Variants in TMCC2 observed in about 807,000 individuals in gnomAD.
The protein encoded by TMCC2 is transmembrane and coiled-coil domain family 2, also known as transmembrane and coiled-coil domains protein 2.
In TMCC2, 16 loss-of-function variants were observed where a neutral mutation model predicts 49.4. The ratio of observed to expected loss-of-function variants is 0.32; its 90% CI spans 0.22 to 0.49. TMCC2 has a LOEUF of 0.49. TMCC2 is among the 20% of genes least tolerant of loss of function. The pLI is 0.99. For missense variants in TMCC2, 762 were observed against 989.8 expected (o/e 0.77, Z 3.09); for synonymous variants, 397 against 434.1 (o/e 0.91, Z 1.06).
intron 1 of TMCC2, among the ~76,000 whole-genome samples, chr1:205,231,673 A>G (rs1414808688): frequency 1.3e-5 from 2 of 152,148 alleles, no homozygotes; most frequent in African/African-American, 4.8e-5. Flanking sequence ...GAAAAATTCC[A>G]TTATTGACTC....
At chr1:205,242,480 A>C (rs979313923) in intron 2 of TMCC2, among the ~76,000 whole-genome samples, 1 of 152,218 alleles carries the variant, frequency 6.6e-6, no homozygotes, top group South Asian at 2.1e-4. Context: ...TATATGTAAA[A>C]TACTTGGAAT....
chr1:205,261,361 C>T (rs1461186576), intron 2 of TMCC2, among the ~76,000 whole-genome samples: 1 of 143,568 alleles, frequency 7.0e-6, no homozygotes, highest in Non-Finnish European at 1.6e-5. Flanking sequence ...TGCACCACCA[C>T]ACCTGGCTGT....
intron 2 of TMCC2, among the ~76,000 whole-genome samples, chr1:205,243,656 C>T (rs1183043407): frequency 6.6e-6 from 1 of 152,156 alleles, no homozygotes; most frequent in Admixed American, 6.5e-5. Flanking sequence ...GTTGAGGAAT[C>T]ACAGGAGAAG....
chr1:205,256,126 T>G (rs1269397594), intron 2 of TMCC2: 3 of 1,215,736 alleles, frequency 2.5e-6, no homozygotes. Context: ...CACACCTTCT[T>G]GAATTTGGGA....
At chr1:205,263,590 G>A (rs1045260022) in intron 2 of TMCC2, among the ~76,000 whole-genome samples, 2 of 152,154 alleles carry the variant, frequency 1.3e-5, no homozygotes, top group African/African-American at 4.8e-5. Flanking sequence ...TACTGGGGAG[G>A]CTGAGGTGGG....
chr1:205,269,267 G>A lies in TMCC2; in HGVS notation c.1065G>A (p.Glu355=), dbSNP rs762012012. 6.2e-7 allele frequency: 1 copy of A among 1,613,804 alleles called. No individual in the cohort carries two copies. Among genetic ancestry groups the A allele is most frequent in the Non-Finnish European group, 8.5e-7 (1 of 1,180,034 alleles). ...QTIAQLHKKL[E]HYRRRLKEIE... The stretch of plus-strand genomic sequence containing the variant: ...TCGCCCAGCTGCACAAGAAGCTGGA[G>A]CACTACCGCCGGCGCCTGAAGGAGA... Residue 355 remains glutamate, a synonymous_variant, in exon 3 of 5, where the codon GAG becomes GAA. Transcript: ENST00000358024.
intron 1 of TMCC2, chr1:205,236,775 AG>A (rs1660066962): frequency 6.6e-6 from 1 of 152,310 alleles, no homozygotes; most frequent in Admixed American, 6.5e-5. Flanking sequence ...GTGATCAGAG[AG>A]GGCTTTATGG....
intron 4 of TMCC2, 175 bp downstream of exon 4, chr1:205,271,430 G>A: frequency 2.8e-6 from 3 of 1,068,288 alleles, no homozygotes; most frequent in African/African-American, 1.6e-5. Context: ...GAGTGAGCAA[G>A]ACAGGCCTGA....
chr1:205,241,925 A>G lies in TMCC2; in HGVS notation c.628A>G (p.Ile210Val), dbSNP rs149416299. The change falls in exon 2 of 5, where the codon ATC becomes GTC. Residue 210 changes from isoleucine (I) to valine (V), a missense_variant. Coordinates refer to ENST00000358024, the MANE Select transcript of TMCC2 (RefSeq NM_014858.4). This position sits in a 1 kb window ranked among gnomAD's most constrained non-coding sequence, Gnocchi z 7.3. Reference sequence around the variant, plus strand: ...CCCCCAGGACAGCAGCCTGGCCGCCATCCTGCACCAGCACCAGTGCCGTCC... The same window carrying G: ...CCCCCAGGACAGCAGCCTGGCCGCCGTCCTGCACCAGCACCAGTGCCGTCC... ...KAPQDSSLAAILHQHQCRPRS... is the reference protein window; with the variant it reads ...KAPQDSSLAAVLHQHQCRPRS... 1,405 of 1,610,914 alleles carry G rather than the reference A, an allele frequency of 8.7e-4. 12 individuals carry two copies. The African/African-American group carries it at 0.016, about 18-fold the overall frequency.
At chr1:205,232,688 AC>A (rs1270118398) in intron 1 of TMCC2, among the ~76,000 whole-genome samples, 2 of 152,118 alleles carry the variant, frequency 1.3e-5, no homozygotes, top group African/African-American at 4.8e-5. Context: ...TAATCCCAGC[AC>A]TTTGGTAGGC....
At chr1:205,230,388 TTGAGCTTTTGCCAGGCC>T in intron 1 of TMCC2, among the ~76,000 whole-genome samples, 1 of 152,352 alleles carries the variant, frequency 6.6e-6, no homozygotes, top group East Asian at 1.9e-4. Context: ...CACAAGAAGC[TTGAGCTTTTGCCAGGCC>T]CAGGGAGTCC....
intron 2 of TMCC2, among the ~76,000 whole-genome samples, chr1:205,246,961 C>T (rs952137785): frequency 1.3e-5 from 2 of 151,954 alleles, no homozygotes; most frequent in African/African-American, 4.8e-5. Context: ...TGGGGCTCTG[C>T]CATGTGGCTC....
chr1:205,271,837 C>A lies in TMCC2; in HGVS notation c.1843C>A (p.Arg615=). The A allele has an allele frequency of 6.2e-7, 1 of 1,612,596 alleles. No homozygotes were observed. The highest frequency in any genetic ancestry group is 8.5e-7 in the Non-Finnish European group (1 of 1,179,960). Residue 615 remains arginine (R), a synonymous_variant, in exon 5 of 5, where the codon CGG becomes AGG. Transcript: ENST00000358024. ...IQEAVESCLT[R]VTKLELQQQQ... is the part of the protein sequence containing the mutation. Reference sequence around the variant, plus strand: ...GGAGGCCGTGGAGTCCTGCCTGACCCGGGTCACCAAGCTGGAGCTGCAGCA... The same window carrying A: ...GGAGGCCGTGGAGTCCTGCCTGACCAGGGTCACCAAGCTGGAGCTGCAGCA...
rs1025357026 is a variant in TMCC2 at position 205,256,169 on chromosome 1, A to G, written c.748-12781A>G. ...ATCAACGTGACGCGTGTCGGCCATC[A>G]GTATTTAAGCCTGGAGTTCCTCACC... On this transcript the variant is annotated intron_variant, in intron 2 of 4. Coordinates refer to ENST00000358024, the MANE Select transcript of TMCC2 (RefSeq NM_014858.4). 220 of 1,414,734 alleles carry G rather than the reference A, an allele frequency of 1.6e-4. 1 individual carries two copies. Among genetic ancestry groups the G allele is most frequent in the Admixed American group, 1.1e-4 (4 of 36,866 alleles). The allele number at this position is 1,414,734 out of a possible 1,614,324, so 87.6% of individuals were successfully genotyped here.
chr1:205,266,240 CA>C (rs35034505), intron 2 of TMCC2, among the ~76,000 whole-genome samples: 1,150 of 49,294 alleles, frequency 0.023, 6 homozygotes, highest in African/African-American at 0.045. Flanking sequence ...GACTCTGTCT[CA>C]AAAAAAAAAA....
chr1:205,269,311 C>CGCG lies in TMCC2; in HGVS notation c.1112_1114dup (p.Arg371dup). 6.2e-7 allele frequency: 1 copy of CGCG among 1,613,414 alleles called. No homozygotes were observed. The highest frequency in any genetic ancestry group is 1.3e-5 in the African/African-American group (1 of 75,062). On this transcript the variant is annotated inframe_insertion, in exon 3 of 5. Transcript: ENST00000358024. ...AAGGAGATTGAGCAGAACGGGCCCT[C>CGCG]GCGGCAGCCCAAGGACGTGCTGCGG... is the stretch of plus-strand genomic sequence containing the variant.
At chr1:205,268,073 T>G in intron 2 of TMCC2, 1 of 985,292 alleles carries the variant, frequency 1.0e-6, no homozygotes, top group Non-Finnish European at 1.2e-6. Context: ...ATGGAGGGCC[T>G]GGGAGAGGTG....
At chr1:205,254,310 G>A (rs1297241130) in intron 2 of TMCC2, among the ~76,000 whole-genome samples, 3 of 152,132 alleles carry the variant, frequency 2.0e-5, no homozygotes, top group African/African-American at 4.8e-5. Flanking sequence ...CACATTTGTG[G>A]AAACAGTCTC....
chr1:205,254,067 C>G (rs1353042546), intron 2 of TMCC2, among the ~76,000 whole-genome samples: 1 of 152,214 alleles, frequency 6.6e-6, no homozygotes, highest in African/African-American at 2.4e-5. Flanking sequence ...CTCGTCCAAG[C>G]TGCTGCTTTG....
Sources: allele counts gnomAD v4.1 joint callset (sites outside exome capture counted in the v4.1 genomes callset), GRCh38; gene constraint gnomAD v4.1.1; non-coding constraint Gnocchi (gnomAD v3.1); transcripts MANE v1.5; gene names NCBI Gene and HGNC (gene_info 2026-07-23, HGNC 2026-07-21).